EXOC4: variants seen among roughly 807,000 people sequenced by gnomAD.
EXOC4 encodes SEC8-like 1.
In EXOC4, 71 loss-of-function variants were observed where a neutral mutation model predicts 107.2. That is an observed-to-expected ratio of 0.66 (90% CI 0.55 to 0.81). The LOEUF (loss-of-function observed/expected upper bound fraction) is 0.81, where lower values mean the gene tolerates loss of function less well. EXOC4 is among the 30% of genes least tolerant of loss of function. The pLI, the probability that EXOC4 is intolerant of heterozygous loss-of-function variation, is 0.00. For missense variants in EXOC4, 1,108 were observed against 1,189.6 expected (o/e 0.93, Z 1.01); for synonymous variants, 456 against 441.2 (o/e 1.03, Z -0.42).
intron 9 of EXOC4, among the ~76,000 whole-genome samples, chr7:133,554,199 T>C (rs1235082525): frequency 6.6e-6 from 1 of 152,172 alleles, no homozygotes; most frequent in African/African-American, 2.4e-5. Flanking sequence ...ACTATTAAAA[T>C]CTTTGTAGAC....
intron 10 of EXOC4, among the ~76,000 whole-genome samples, chr7:133,641,843 C>T (rs973891551): frequency 6.6e-6 from 1 of 152,120 alleles, no homozygotes; most frequent in Non-Finnish European, 1.5e-5. Flanking sequence ...AAATGCTGAA[C>T]AGGTTCGATA....
intron 5 of EXOC4, among the ~76,000 whole-genome samples, chr7:133,327,910 T>G (rs568432840): frequency 6.6e-6 from 1 of 152,300 alleles, no homozygotes; most frequent in East Asian, 1.9e-4. Flanking sequence ...GAATGTATAT[T>G]CTGTTGATTT....
At chr7:133,932,398 C>T (rs1426356564) in intron 13 of EXOC4, among the ~76,000 whole-genome samples, 1 of 152,128 alleles carries the variant, frequency 6.6e-6, no homozygotes, top group African/African-American at 2.4e-5. Flanking sequence ...CTTTTTCTCA[C>T]TTCTTATTTG....
chr7:134,046,122 T>G (rs1198050413), intron 17 of EXOC4, among the ~76,000 whole-genome samples: 2 of 152,150 alleles, frequency 1.3e-5, no homozygotes, highest in Non-Finnish European at 2.9e-5. Context: ...AGTACACAGC[T>G]TGATTCCTCT....
chr7:133,514,906 T>G (rs907260768), intron 9 of EXOC4, among the ~76,000 whole-genome samples: 7 of 152,166 alleles, frequency 4.6e-5, no homozygotes, highest in Non-Finnish European at 1.0e-4. Context: ...TATAAGGGCA[T>G]TTTAATCTGA....
chr7:133,626,628 A>G (rs567196197), intron 9 of EXOC4, among the ~76,000 whole-genome samples: 98 of 152,258 alleles, frequency 6.4e-4, no homozygotes, highest in Admixed American at 1.6e-3. Flanking sequence ...TAACTGCACT[A>G]TGTGAATCAG....
intron 9 of EXOC4, among the ~76,000 whole-genome samples, chr7:133,533,155 T>C (rs1800211960): frequency 6.6e-6 from 1 of 152,118 alleles, no homozygotes. Flanking sequence ...TATCTATAGA[T>C]TTTTGGATTC....
chr7:133,283,061 T>G (rs1387770439), intron 2 of EXOC4, among the ~76,000 whole-genome samples: 1 of 152,218 alleles, frequency 6.6e-6, no homozygotes, highest in African/African-American at 2.4e-5. Context: ...CTGATTTCAC[T>G]TAACATAATG....
chr7:133,590,090 C>A (rs1311844985), intron 9 of EXOC4, among the ~76,000 whole-genome samples: 1 of 151,864 alleles, frequency 6.6e-6, no homozygotes, highest in African/African-American at 2.4e-5. Flanking sequence ...AGCTGAAGAC[C>A]CCTGGCTCCT....
chr7:133,328,608 C>T (rs1309471415), intron 5 of EXOC4, among the ~76,000 whole-genome samples: 4 of 151,576 alleles, frequency 2.6e-5, no homozygotes, highest in Non-Finnish European at 5.9e-5. Context: ...TTTTGTAAGG[C>T]AGGCCTGGTG....
chr7:133,684,764 G>C (rs1794259723), intron 10 of EXOC4, among the ~76,000 whole-genome samples: 1 of 152,158 alleles, frequency 6.6e-6, no homozygotes, highest in African/African-American at 2.4e-5. Context: ...ACAGTAAATG[G>C]ACACTGATAT....
chr7:133,684,101 C>T (rs1794243787), intron 10 of EXOC4, among the ~76,000 whole-genome samples: 1 of 152,204 alleles, frequency 6.6e-6, no homozygotes, highest in East Asian at 1.9e-4. Flanking sequence ...TATTTAGACA[C>T]CTCTACTTTA....
At chr7:134,004,319 T>C (rs1479031249) in intron 15 of EXOC4, among the ~76,000 whole-genome samples, 2 of 152,148 alleles carry the variant, frequency 1.3e-5, no homozygotes, top group Non-Finnish European at 2.9e-5. Context: ...CTTAACACTT[T>C]ACATGTAGTA....
rs377051402 is a variant in EXOC4 at position 133,847,317 on chromosome 7, A to C, written c.1734+29773A>C. ...GCCTTTTTCCCTAATAAGTATTATT[A>C]GCAGCAGCAAGGGCAATTTTTCTAG... On this transcript the variant is annotated intron_variant, in intron 11 of 17. Coordinates refer to ENST00000253861, the MANE Select transcript of EXOC4 (RefSeq NM_021807.4). Among the ~76,000 whole-genome samples, 9 of 152,272 alleles carry C rather than the reference A, an allele frequency of 5.9e-5. No homozygotes were observed. The East Asian group carries it at 1.4e-3, about 23-fold the overall frequency.
chr7:133,890,545 T>C (rs1294016220), intron 11 of EXOC4, among the ~76,000 whole-genome samples: 1 of 142,364 alleles, frequency 7.0e-6, no homozygotes, highest in Admixed American at 6.9e-5. Context: ...TCTAGGGTTT[T>C]TATGGTTTTA....
At chr7:133,637,229 A>G (rs1158767485) in intron 10 of EXOC4, among the ~76,000 whole-genome samples, 7 of 152,214 alleles carry the variant, frequency 4.6e-5, no homozygotes, top group African/African-American at 1.7e-4. Context: ...TTTTTATTTT[A>G]TACTTTTTGT....
chr7:133,260,417 G>C lies in EXOC4; in HGVS notation c.86+7230G>C, dbSNP rs1424671814. On this transcript the variant is annotated intron_variant, in intron 1 of 17. Transcript: ENST00000253861. The stretch of plus-strand genomic sequence containing the variant: ...GCCTCCTGAGTAGCTGGGATTATAG[G>C]CGTGCGCCACCACACCCGGCTAATT... Among the ~76,000 whole-genome samples the C allele has an allele frequency of 3.2e-4, 48 of 151,982 alleles. 1 individual carries two copies.
rs67620822 is a variant in EXOC4 at position 133,338,748 on chromosome 7, C to CT, written c.764-17560dup. Among the ~76,000 whole-genome samples the CT allele has an allele frequency of 2.8e-3, 247 of 86,996 alleles. 3 individuals are homozygous for CT. The highest frequency in any genetic ancestry group is 8.0e-3 in the African/African-American group (206 of 25,762). The allele number at this position is 86,996 out of a possible 152,430, so 57.1% of individuals were successfully genotyped here. A position where few individuals can be genotyped will look rare whatever the true frequency, so the allele number is the denominator to read the frequency against. On this transcript the variant is annotated intron_variant, in intron 5 of 17. Coordinates refer to ENST00000253861, the MANE Select transcript of EXOC4 (RefSeq NM_021807.4). Reference sequence around the variant, plus strand: ...TGTACACGGTACCCAATGGTGTAGTCTTTTTTTTTTTTTTTTTTTTTTCAG... The same window carrying CT: ...TGTACACGGTACCCAATGGTGTAGTCTTTTTTTTTTTTTTTTTTTTTTTCAG...
At chr7:133,969,932 C>A (rs889655734) in intron 14 of EXOC4, among the ~76,000 whole-genome samples, 4 of 152,196 alleles carry the variant, frequency 2.6e-5, no homozygotes, top group African/African-American at 9.6e-5. Flanking sequence ...GCTGAACTTA[C>A]AATTTTCCCA....
Sources: allele counts gnomAD v4.1 joint callset (sites outside exome capture counted in the v4.1 genomes callset), GRCh38; gene constraint gnomAD v4.1.1; transcripts MANE v1.5; gene names NCBI Gene and HGNC (gene_info 2026-07-23, HGNC 2026-07-21).